Variants in VPS53 observed in about 807,000 individuals in gnomAD.
The protein encoded by VPS53 is vacuolar protein sorting-associated protein 53 homolog.
Under a neutral mutation model 107.0 loss-of-function variants are expected in VPS53, and 70 were observed. The ratio of observed to expected loss-of-function variants is 0.65; its 90% CI spans 0.54 to 0.80. The LOEUF is 0.80. Ranked by LOEUF, VPS53 falls within the 30% of genes least tolerant of loss-of-function variation. The pLI is 0.00. For missense variants in VPS53, 917 were observed against 1,049.4 expected (o/e 0.87, Z 1.74); for synonymous variants, 409 against 393.3 (o/e 1.04, Z -0.47).
chr17:632,706 A>C (rs1341912092), intron 7 of VPS53: 1 of 456,354 alleles, frequency 2.2e-6, no homozygotes, highest in Non-Finnish European at 4.4e-6. Flanking sequence ...TCTACTCGCT[A>C]TCTCCATGAG....
chr17:664,540 A>G (rs573239018), intron 4 of VPS53, among the ~76,000 whole-genome samples: 1 of 152,294 alleles, frequency 6.6e-6, no homozygotes, highest in African/African-American at 2.4e-5. Flanking sequence ...CACGAGCCAG[A>G]GCACGGAGGC....
At chr17:668,576 A>G (rs1375809657) in intron 4 of VPS53, among the ~76,000 whole-genome samples, 1 of 152,148 alleles carries the variant, frequency 6.6e-6, no homozygotes, top group African/African-American at 2.4e-5. Context: ...AAAAAGTGCA[A>G]CAGAGGCCTC....
intron 11 of VPS53, 108 bp from the exon 12 acceptor site, chr17:602,004 T>C (rs1968349502): frequency 2.5e-6 from 2 of 798,896 alleles, no homozygotes; most frequent in Admixed American, 3.3e-5. Context: ...ATGCACGCTA[T>C]CTGATAAAGA....
At chr17:571,548 C>T (rs536050558) in intron 13 of VPS53, among the ~76,000 whole-genome samples, 7 of 87,560 alleles carry the variant, frequency 8.0e-5, no homozygotes, top group East Asian at 2.4e-4. Flanking sequence ...CCTCTCCCCA[C>T]GGTCTCCCTC....
At chr17:607,617 T>C (rs545902099) in intron 11 of VPS53, among the ~76,000 whole-genome samples, 1 of 152,334 alleles carries the variant, frequency 6.6e-6, no homozygotes, top group South Asian at 2.1e-4. Flanking sequence ...GGGGTTAGAT[T>C]GTCAGTAACT....
chr17:665,873 G>A (rs1374576051), intron 4 of VPS53, among the ~76,000 whole-genome samples: 1 of 151,976 alleles, frequency 6.6e-6, no homozygotes, highest in Non-Finnish European at 1.5e-5. Context: ...GCGTGGTGGC[G>A]GGCACCTGTC....
intron 7 of VPS53, among the ~76,000 whole-genome samples, chr17:632,363 G>A (rs935629590): frequency 1.1e-4 from 16 of 152,062 alleles, no homozygotes; most frequent in African/African-American, 3.9e-4. Flanking sequence ...GTTTTAGGGT[G>A]TTTTGTAAAA....
intron 11 of VPS53, among the ~76,000 whole-genome samples, chr17:622,390 A>T (rs1969506033): frequency 1.4e-4 from 2 of 14,246 alleles, no homozygotes; most frequent in African/African-American, 2.3e-4. Context: ...CCGCAGTTTA[A>T]AAAAAAAAAA....
At chr17:597,885 T>C (rs188879134) in intron 12 of VPS53, among the ~76,000 whole-genome samples, 1 of 151,868 alleles carries the variant, frequency 6.6e-6, no homozygotes, top group African/African-American at 2.4e-5. Context: ...TTTTTTAAAT[T>C]ACATAAAACC....
intron 4 of VPS53, among the ~76,000 whole-genome samples, chr17:666,437 G>T (rs1308136526): frequency 6.6e-6 from 1 of 152,240 alleles, no homozygotes; most frequent in African/African-American, 2.4e-5. Flanking sequence ...GCCAGGGCGG[G>T]TGGATGACCT....
intron 2 of VPS53, among the ~76,000 whole-genome samples, chr17:707,681 T>C (rs544407037): frequency 1.3e-5 from 2 of 151,892 alleles, no homozygotes; most frequent in Non-Finnish European, 2.9e-5. Flanking sequence ...AGATCTCGTC[T>C]CTACTAAAAA....
At chr17:707,007 T>A (rs1301821232) in intron 2 of VPS53, among the ~76,000 whole-genome samples, 1 of 152,194 alleles carries the variant, frequency 6.6e-6, no homozygotes, top group African/African-American at 2.4e-5. Context: ...AGTCCTTCAA[T>A]GAATACTCAC....
chr17:553,444 C>G lies in VPS53; in HGVS notation c.1723G>C (p.Glu575Gln), dbSNP rs147780020. 39 of 1,613,750 alleles carry G rather than the reference C, an allele frequency of 2.4e-5. No homozygotes were observed. The highest frequency in any genetic ancestry group is 2.2e-5 in the Non-Finnish European group (26 of 1,179,978). Residue 575 changes from glutamate to glutamine, a missense_variant, in exon 16 of 22, where the codon GAA (glutamate) becomes CAA (glutamine). Coordinates refer to ENST00000437048, the MANE Select transcript of VPS53 (RefSeq NM_001128159.3). ...TTQQLEEKLKEKVDVSLIERI... is the reference protein window; with the variant it reads ...TTQQLEEKLKQKVDVSLIERI... Reference sequence around the variant, plus strand: ...TCAATCAGACTTACATCCACTTTTTCTTTGAGTTTTTCTTCTAGCTGTTGA... The same window carrying G: ...TCAATCAGACTTACATCCACTTTTTGTTTGAGTTTTTCTTCTAGCTGTTGA...
intron 11 of VPS53, among the ~76,000 whole-genome samples, chr17:618,746 C>A (rs60694412): frequency 0.021 from 3,250 of 151,654 alleles, 40 homozygotes; most frequent in East Asian, 0.066. Flanking sequence ...CAGGCGTGCA[C>A]CACCATGCCC....
rs1264388767 is a variant in VPS53, at chr17:599,113, G to A, written c.1218+2682C>T. On this transcript the variant is annotated intron_variant, in intron 12 of 21. Transcript: ENST00000437048. Reference sequence around the variant, plus strand: ...GCCCCTCTGCCAGGCCAGCCGCCCCGTCCGGGAGGGAGGTGGGGGGGTCAG... The same window carrying A: ...GCCCCTCTGCCAGGCCAGCCGCCCCATCCGGGAGGGAGGTGGGGGGGTCAG... Among the ~76,000 whole-genome samples the A allele has an allele frequency of 2.1e-3, 277 of 133,740 alleles. 6 individuals are homozygous for A. The highest frequency in any genetic ancestry group is 3.8e-3 in the East Asian group (16 of 4,214). The allele number at this position is 133,740 out of a possible 152,430, so 87.7% of individuals were successfully genotyped here.
At chr17:641,551 T>G (rs1970424769) in intron 7 of VPS53, among the ~76,000 whole-genome samples, 1 of 152,224 alleles carries the variant, frequency 6.6e-6, no homozygotes, top group African/African-American at 2.4e-5. Flanking sequence ...CTCCCAGGGT[T>G]AAGTGATCCT....
At chr17:592,859 T>A (rs62056463) in intron 12 of VPS53, among the ~76,000 whole-genome samples, 4 of 152,208 alleles carry the variant, frequency 2.6e-5, no homozygotes, top group African/African-American at 9.6e-5. Flanking sequence ...CTGACAATTA[T>A]GTGTCTTGGT....
chr17:612,044 T>C (rs1355263899), intron 11 of VPS53, among the ~76,000 whole-genome samples: 1 of 144,028 alleles, frequency 6.9e-6, no homozygotes, highest in African/African-American at 2.6e-5. Flanking sequence ...ATATTCACAG[T>C]GAGTTCACAC....
chr17:548,239 G>A (rs1303125987), intron 17 of VPS53, among the ~76,000 whole-genome samples: 1 of 152,220 alleles, frequency 6.6e-6, no homozygotes, highest in East Asian at 1.9e-4. Context: ...GCCATGGGAT[G>A]CCTTCCATGA....
Sources: allele counts gnomAD v4.1 joint callset (sites outside exome capture counted in the v4.1 genomes callset), GRCh38; gene constraint gnomAD v4.1.1; transcripts MANE v1.5; gene names NCBI Gene and HGNC (gene_info 2026-07-23, HGNC 2026-07-21).